RMST: variants seen among roughly 807,000 people sequenced by gnomAD.
RMST encodes rhabdomyosarcoma 2 associated transcript, also known as long intergenic non-protein coding RNA 54.
rs1336743519 is a variant in RMST at position 97,492,986 on chromosome 12, T to C, written n.791-191T>C. On this transcript the variant is annotated intron_variant and non_coding_transcript_variant, in intron 6 of 13. Transcript: ENST00000640149. ...AGCTGCCAGAAACCTAAGAAAGTTA[T>C]GTTCAAATTATTTTTACAAATAGAT... 3.9e-5 allele frequency: 6 copies of C among 152,342 alleles called. No individual in the cohort carries two copies. In the East Asian group the frequency reaches 1.2e-3, roughly 29 times the overall value. The allele number at this position is 152,342 out of a possible 1,614,324, so 9.4% of individuals were successfully genotyped here. A position where few individuals can be genotyped will look rare whatever the true frequency, so the allele number is the denominator to read the frequency against.
intron 5 of RMST, among the ~76,000 whole-genome samples, chr12:97,467,523 A>T (rs1279631461): frequency 1.3e-5 from 2 of 152,034 alleles, no homozygotes; most frequent in Non-Finnish European, 2.9e-5. Flanking sequence ...CTGAATTAAC[A>T]CACCATTAGT....
In RMST at chr12:97,523,702, C is replaced by T. The variant is rs1002850839; in HGVS notation, n.1341-6953C>T. On this transcript the variant is annotated intron_variant and non_coding_transcript_variant, in intron 10 of 13. Coordinates refer to ENST00000640149, the Ensembl canonical transcript of RMST. ...GAGGAAATTCTAATTGTGCTACTAT[C>T]GCACAGCTTGCATCTTATCTCATGA... Among the ~76,000 whole-genome samples, 4 of 152,096 alleles carry T rather than the reference C, an allele frequency of 2.6e-5. No homozygotes were observed. The East Asian group carries it at 7.7e-4, about 29-fold the overall frequency.
intron 11 of RMST, among the ~76,000 whole-genome samples, chr12:97,535,375 A>G (rs1881988430): frequency 6.6e-6 from 1 of 151,734 alleles, no homozygotes; most frequent in African/African-American, 2.4e-5. Context: ...AGAGAACTTC[A>G]TAAAAAGATA....
At chr12:97,507,947 C>T (rs778468794) in intron 10 of RMST, among the ~76,000 whole-genome samples, 9 of 152,126 alleles carry the variant, frequency 5.9e-5, no homozygotes, top group Non-Finnish European at 1.3e-4. Context: ...ACACTCAGAC[C>T]AGAGTAGCCC....
At chr12:97,536,106 A>G (rs1882056996) in intron 11 of RMST, among the ~76,000 whole-genome samples, 2 of 151,526 alleles carry the variant, frequency 1.3e-5, no homozygotes. Context: ...CTGTTGATAA[A>G]TGTGTCTCTG....
intron 5 of RMST, among the ~76,000 whole-genome samples, chr12:97,487,776 T>C (rs1876277665): frequency 6.6e-6 from 1 of 152,208 alleles, no homozygotes; most frequent in Non-Finnish European, 1.5e-5. Context: ...GGTTGCCATG[T>C]TTAGCTCCTC....
At chr12:97,527,713 A>C (rs765263743) in intron 10 of RMST, among the ~76,000 whole-genome samples, 6 of 152,130 alleles carry the variant, frequency 3.9e-5, no homozygotes, top group Non-Finnish European at 5.9e-5. Context: ...GGTCTTATAG[A>C]AATTATAATT....
intron 11 of RMST, among the ~76,000 whole-genome samples, chr12:97,531,097 T>C (rs867208720): frequency 2.0e-5 from 3 of 151,770 alleles, no homozygotes; most frequent in East Asian, 3.9e-4. Context: ...ATATTTTCTC[T>C]GTTGAGTCTA....
At chr12:97,495,639 C>T (rs1599849) in intron 9 of RMST, among the ~76,000 whole-genome samples, 125,705 of 152,084 alleles carry the variant, frequency 0.83, 52,301 homozygotes, top group Middle Eastern at 0.91. Flanking sequence ...CAACGTGATA[C>T]AGCCATTCTC....
intron 10 of RMST, among the ~76,000 whole-genome samples, chr12:97,524,892 A>G (rs559332746): frequency 6.6e-6 from 1 of 152,346 alleles, no homozygotes; most frequent in Admixed American, 6.5e-5. Context: ...TGAAAAGATA[A>G]GGAAAGCCTT....
At chr12:97,548,496 C>A (rs1592785400) in intron 11 of RMST, among the ~76,000 whole-genome samples, 1 of 131,388 alleles carries the variant, frequency 7.6e-6, no homozygotes. Context: ...AATATTAATT[C>A]TTTCAATCCA....
At chr12:97,513,623 A>G (rs1346012453) in intron 10 of RMST, among the ~76,000 whole-genome samples, 2 of 152,230 alleles carry the variant, frequency 1.3e-5, no homozygotes, top group African/African-American at 4.8e-5. Flanking sequence ...ATTAGCTCTT[A>G]TATTACCTAT....
At chr12:97,462,935 C>T (rs1306403641) in intron 3 of RMST, 1 of 151,968 alleles carries the variant, frequency 6.6e-6, no homozygotes, top group Non-Finnish European at 1.5e-5. Context: ...TGTCTACTCT[C>T]TTGAAGAAGG....
At chr12:97,512,218 C>G (rs1592712147) in intron 10 of RMST, among the ~76,000 whole-genome samples, 1 of 152,182 alleles carries the variant, frequency 6.6e-6, no homozygotes, top group Admixed American at 6.5e-5. Context: ...TGGCGTTCCT[C>G]CCGGTGGGTT....
chr12:97,559,775 G>A (rs12321875), intron 11 of RMST, among the ~76,000 whole-genome samples: 3 of 152,038 alleles, frequency 2.0e-5, no homozygotes, highest in Non-Finnish European at 4.4e-5. Context: ...GAAGTGTGGG[G>A]ATGACTGATT....
intron 11 of RMST, among the ~76,000 whole-genome samples, chr12:97,557,181 G>T (rs137858117): frequency 9.5e-4 from 145 of 152,276 alleles, no homozygotes; most frequent in African/African-American, 3.4e-3. Context: ...TAGGAAAGAT[G>T]GAGTATTTTG....
At chr12:97,560,729 T>TG (rs1884053448) in intron 12 of RMST, 1 of 152,196 alleles carries the variant, frequency 6.6e-6, no homozygotes, top group South Asian at 2.1e-4. Flanking sequence ...GTCAGTGGCA[T>TG]GTTTCAGTAT....
At chr12:97,469,810 A>G (rs1242792500) in intron 5 of RMST, among the ~76,000 whole-genome samples, 1 of 152,112 alleles carries the variant, frequency 6.6e-6, no homozygotes, top group African/African-American at 2.4e-5. Flanking sequence ...CGTCCTTAGA[A>G]TACAGGTACC....
chr12:97,486,998 T>C (rs1473293129), intron 5 of RMST, among the ~76,000 whole-genome samples: 1 of 152,180 alleles, frequency 6.6e-6, no homozygotes, highest in Admixed American at 6.5e-5. Context: ...ATGCGGAGCC[T>C]GAGATTCCAG....
Sources: gnomAD v4.1 joint callset for allele counts (sites outside exome capture counted in the v4.1 genomes callset) on GRCh38, gnomAD v4.1.1 for gene constraint, MANE v1.5 for transcripts, NCBI Gene and HGNC (gene_info 2026-07-23, HGNC 2026-07-21) for gene names.